The following ADCY10 variants were observed in gnomAD, a reference collection of about 807,000 sequenced individuals.
ADCY10 encodes the protein adenylate cyclase 10.
In ADCY10, 156 loss-of-function variants were observed where a neutral mutation model predicts 183.3. The ratio of observed to expected loss-of-function variants is 0.85; its 90% CI spans 0.75 to 0.97. ADCY10 has a LOEUF of 0.97. Ranked by LOEUF, ADCY10 falls within the 50% of genes least tolerant of loss-of-function variation. The pLI is 0.00. For missense variants in ADCY10, 1,745 were observed against 1,934.3 expected (o/e 0.90, Z 1.84); for synonymous variants, 645 against 670.0 (o/e 0.96, Z 0.58).
intron 1 of ADCY10, among the ~76,000 whole-genome samples, chr1:167,906,693 G>A (rs1557838531): frequency 6.6e-6 from 1 of 152,062 alleles, no homozygotes; most frequent in African/African-American, 2.4e-5. Context: ...GGAGGCTGAG[G>A]TGGGAGGATG....
At chr1:167,823,623 T>C (rs1369128358) in intron 28 of ADCY10, among the ~76,000 whole-genome samples, 1 of 152,054 alleles carries the variant, frequency 6.6e-6, no homozygotes, top group Admixed American at 6.6e-5. Flanking sequence ...CCAAAGCTAT[T>C]GAATAAAAAA....
intron 26 of ADCY10, among the ~76,000 whole-genome samples, chr1:167,828,237 TGTTACTAGACAA>T (rs1663459701): frequency 1.3e-5 from 2 of 152,374 alleles, no homozygotes; most frequent in South Asian, 4.1e-4. Context: ...ATTATTATGC[TGTTACTAGACAA>T]GTTTTGTATC....
intron 14 of ADCY10, among the ~76,000 whole-genome samples, chr1:167,864,357 G>A (rs973643559): frequency 2.6e-5 from 4 of 152,130 alleles, no homozygotes; most frequent in African/African-American, 9.7e-5. Flanking sequence ...GAAAAACTTA[G>A]AACTTTGTGT....
chr1:167,895,283 A>C (rs958133409), intron 7 of ADCY10, among the ~76,000 whole-genome samples: 2 of 152,010 alleles, frequency 1.3e-5, no homozygotes, highest in African/African-American at 4.8e-5. Context: ...AGGAGATGGC[A>C]TTAGTAAAGC....
chr1:167,866,179 T>C (rs1666668528), intron 14 of ADCY10, among the ~76,000 whole-genome samples: 2 of 152,234 alleles, frequency 1.3e-5, no homozygotes, highest in Admixed American at 1.3e-4. Flanking sequence ...GTGGCACTTA[T>C]ACTTTAGTCC....
intron 25 of ADCY10, among the ~76,000 whole-genome samples, chr1:167,831,250 C>A (rs530853204): frequency 1.3e-5 from 2 of 152,004 alleles, no homozygotes; most frequent in Admixed American, 6.5e-5. Context: ...AGTGCAGTGG[C>A]GCGATCTTGG....
intron 16 of ADCY10, among the ~76,000 whole-genome samples, chr1:167,856,924 G>T (rs189845182): frequency 1.3e-5 from 2 of 152,170 alleles, no homozygotes; most frequent in Non-Finnish European, 2.9e-5. Context: ...GCTGGCAGCC[G>T]ATGCTATTCT....
chr1:167,840,870 C>A (rs1284389767), intron 21 of ADCY10, among the ~76,000 whole-genome samples: 1 of 152,014 alleles, frequency 6.6e-6, no homozygotes, highest in Non-Finnish European at 1.5e-5. Context: ...AGATGTCAGA[C>A]TACCTCTTGG....
At chr1:167,816,006 CAG>C (rs1275684356) in intron 31 of ADCY10, among the ~76,000 whole-genome samples, 2 of 151,376 alleles carry the variant, frequency 1.3e-5, no homozygotes. Context: ...AAAACCATAA[CAG>C]AATATCCAAG....
intron 13 of ADCY10, among the ~76,000 whole-genome samples, chr1:167,872,886 A>G (rs895631693): frequency 3.3e-5 from 5 of 151,594 alleles, no homozygotes; most frequent in Admixed American, 1.3e-4. Flanking sequence ...CCTGGCCAAT[A>G]TGGTGAAACC....
At position 167,901,775 on chromosome 1, in the gene ADCY10, TCCACCCTC is replaced by T; in HGVS notation, c.315_322del (p.Trp105Ter). 8 of 1,614,182 alleles carry T rather than the reference TCCACCCTC, an allele frequency of 5.0e-6. No individual in the cohort carries two copies. Among genetic ancestry groups the T allele is most frequent in the Non-Finnish European group, 6.8e-6 (8 of 1,180,028 alleles). Reference sequence around the variant, plus strand: ...GATAATGTTTTTCAGCTGCTTTCGCTCCACCCTCCACAGGGCTAGCAGTGCATCACCTT... The same window carrying T: ...GATAATGTTTTTCAGCTGCTTTCGCTCACAGGGCTAGCAGTGCATCACCTT... On this transcript the variant is annotated stop_gained and frameshift_variant, in exon 5 of 33. Transcript: ENST00000367851. LOFTEE classifies it high-confidence loss of function.
intron 8 of ADCY10, among the ~76,000 whole-genome samples, chr1:167,885,487 TG>T (rs1367729521): frequency 6.6e-6 from 1 of 152,234 alleles, no homozygotes; most frequent in African/African-American, 2.4e-5. Flanking sequence ...TCATTTTAAC[TG>T]GGGTAAGATG....
chr1:167,880,330 C>T (rs1667782813), intron 10 of ADCY10, 139 bp from the exon 11 acceptor site: 2 of 971,424 alleles, frequency 2.1e-6, no homozygotes, highest in Middle Eastern at 2.2e-4. Flanking sequence ...TAGTTTATGG[C>T]ATTTCTACAT....
intron 10 of ADCY10, 93 bp from the exon 11 acceptor site, chr1:167,880,284 A>G: frequency 8.4e-7 from 1 of 1,189,964 alleles, no homozygotes; most frequent in Admixed American, 1.9e-5. Flanking sequence ...CTGGGTTGGG[A>G]AAGGGTGGGA....
At chr1:167,899,388 G>T in intron 6 of ADCY10, 35 bp downstream of exon 6, 1 of 1,606,126 alleles carries the variant, frequency 6.2e-7, no homozygotes, top group Non-Finnish European at 8.5e-7. Flanking sequence ...TTACAGGCTG[G>T]CAGAACTTTC....
At chr1:167,863,590 C>T (rs761010305) in intron 14 of ADCY10, among the ~76,000 whole-genome samples, 14 of 152,096 alleles carry the variant, frequency 9.2e-5, no homozygotes, top group Non-Finnish European at 1.6e-4. Context: ...GTTCCCTGAC[C>T]GGGAAGCAAG....
At position 167,836,324 on chromosome 1, in the gene ADCY10, A is replaced by G. The variant is rs1489187200; in HGVS notation, c.3294T>C (p.Phe1098=). The G allele has an allele frequency of 6.2e-7, 1 of 1,611,554 alleles. No homozygotes were observed. Among genetic ancestry groups the G allele is most frequent in the Non-Finnish European group, 8.5e-7 (1 of 1,177,678 alleles). The change falls in exon 23 of 33, where the codon TTT becomes TTC. Residue 1098 remains phenylalanine, a synonymous_variant. Transcript: ENST00000367851. The part of the protein sequence containing the change: ...FLEIASAYLI[F]CDNYMAYMYL... Reference sequence around the variant, plus strand: ...AACAGCTTACCATGTAGTTATCACAAAAGATGAGATAAGCAGATGCAATTT... The same window carrying G: ...AACAGCTTACCATGTAGTTATCACAGAAGATGAGATAAGCAGATGCAATTT...
In ADCY10 at chr1:167,838,649, A is replaced by G. The variant is rs578260100; in HGVS notation, c.3008-1331T>C. Reference sequence around the variant, plus strand: ...TCTCCCTAGGCAGTTTCATCTGCCCATGACTTTTAATTACATTCATATGCT... The same window carrying G: ...TCTCCCTAGGCAGTTTCATCTGCCCGTGACTTTTAATTACATTCATATGCT... On this transcript the variant is annotated intron_variant, in intron 21 of 32. Transcript: ENST00000367851. Among the ~76,000 whole-genome samples the G allele has an allele frequency of 5.3e-4, 81 of 152,342 alleles. 1 individual carries two copies. Among genetic ancestry groups the G allele is most frequent in the African/African-American group, 1.8e-3 (74 of 41,586 alleles).
In ADCY10 at chr1:167,882,611, A is replaced by G. The variant is rs144193207; in HGVS notation, c.1020+826T>C. On this transcript the variant is annotated intron_variant, in intron 9 of 32. Coordinates refer to ENST00000367851, the MANE Select transcript of ADCY10 (RefSeq NM_018417.6). ...ACATGGCAAGTGGGCTTTCTTGGAA[A>G]CAAGCTTCTGGGGTAAGATGGTTAC... is the stretch of plus-strand genomic sequence containing the variant. Among the ~76,000 whole-genome samples the G allele has an allele frequency of 2.8e-4, 42 of 152,208 alleles. No homozygotes were observed. In the East Asian group the frequency reaches 6.8e-3, roughly 24 times the overall value.
Sources: gnomAD v4.1 joint callset for allele counts (sites outside exome capture counted in the v4.1 genomes callset) on GRCh38, gnomAD v4.1.1 for gene constraint, MANE v1.5 for transcripts, NCBI Gene and HGNC (gene_info 2026-07-23, HGNC 2026-07-21) for gene names.